PRUNE2: variants seen among roughly 807,000 people sequenced by gnomAD.
PRUNE2 encodes the protein prune homolog 2 with BCH domain.
In PRUNE2, 164 loss-of-function variants were observed where a neutral mutation model predicts 252.0. The observed-to-expected ratio is 0.65, with a 90% CI of 0.57 to 0.74. PRUNE2 has a LOEUF of 0.74. PRUNE2 is among the 30% of genes least tolerant of loss of function. The pLI, the probability that PRUNE2 is intolerant of heterozygous loss-of-function variation, is 0.00. For missense variants in PRUNE2, 3,495 were observed against 3,711.0 expected (o/e 0.94, Z 1.51); for synonymous variants, 1,292 against 1,350.2 (o/e 0.96, Z 0.94).
chr9:76,630,522 G>A (rs559768705), intron 15 of PRUNE2, among the ~76,000 whole-genome samples: 3 of 152,134 alleles, frequency 2.0e-5, no homozygotes, highest in Admixed American at 2.0e-4. Flanking sequence ...TCTGAAGAAT[G>A]CATTTTCTTT....
At chr9:76,696,843 T>C (rs2045436974) in intron 9 of PRUNE2, among the ~76,000 whole-genome samples, 1 of 152,230 alleles carries the variant, frequency 6.6e-6, no homozygotes. Flanking sequence ...GGTGGCCTTT[T>C]CTACCTGAAA....
chr9:76,624,240 C>T (rs1833702061), intron 17 of PRUNE2, among the ~76,000 whole-genome samples: 1 of 152,072 alleles, frequency 6.6e-6, no homozygotes. Context: ...ACAACAGTGA[C>T]AAATACATTC....
At chr9:76,634,457 T>C (rs1839124035) in intron 15 of PRUNE2, among the ~76,000 whole-genome samples, 1 of 147,070 alleles carries the variant, frequency 6.8e-6, no homozygotes. Flanking sequence ...AGTATATTTT[T>C]GCAAAGACTA....
chr9:76,739,486 T>A (rs1018367042), intron 6 of PRUNE2: 1 of 151,932 alleles, frequency 6.6e-6, no homozygotes, highest in African/African-American at 2.4e-5. Flanking sequence ...TATAAGTCTA[T>A]ATAATCGCTT....
chr9:76,785,660 T>C (rs1033480030), intron 6 of PRUNE2: 19 of 152,176 alleles, frequency 1.2e-4, no homozygotes, highest in African/African-American at 4.6e-4. Flanking sequence ...GGCACTCTTG[T>C]GAGCCACTTT....
At chr9:76,660,796 A>AG (rs1338421760) in intron 9 of PRUNE2, among the ~76,000 whole-genome samples, 1 of 148,844 alleles carries the variant, frequency 6.7e-6, no homozygotes, top group Admixed American at 6.8e-5. Flanking sequence ...AAAAAAAAAA[A>AG]AAAAAGAAAG....
chr9:76,831,581 T>C (rs2058679184), intron 4 of PRUNE2, among the ~76,000 whole-genome samples: 1 of 152,034 alleles, frequency 6.6e-6, no homozygotes, highest in African/African-American at 2.4e-5. Flanking sequence ...GGTTCTAAGA[T>C]TGTCAGGGAA....
At chr9:76,868,843 G>GC in intron 1 of PRUNE2, 1 of 132,240 alleles carries the variant, frequency 7.6e-6, no homozygotes, top group Admixed American at 7.6e-5. Context: ...GGGGTGGGGG[G>GC]GGGGGCGGGG....
In PRUNE2 at chr9:76,619,264, AGT is replaced by A. The variant is rs1044595682; in HGVS notation, c.9236+74_9236+75del. 56 of 940,172 alleles carry A rather than the reference AGT, an allele frequency of 6.0e-5. No individual in the cohort carries two copies. In the African/African-American group the frequency reaches 7.4e-4, roughly 12 times the overall value. The allele number at this position is 940,172 out of a possible 1,614,324, so 58.2% of individuals were successfully genotyped here. On this transcript the variant is annotated intron_variant, in intron 18 of 18. Coordinates refer to ENST00000376718, the MANE Select transcript of PRUNE2 (RefSeq NM_015225.3). ...TCTAAACAGGGTTTACCCAGTCCTC[AGT>A]GTGTTTTCTTTCAGAGCCCAGCCAT...
chr9:76,826,493 A>C, intron 5 of PRUNE2, 87 bp downstream of exon 5: 1 of 990,512 alleles, frequency 1.0e-6, no homozygotes, highest in East Asian at 2.6e-5. Context: ...AAAGAAACAA[A>C]TATACCTTCT....
chr9:76,634,257 G>A (rs1223401828), intron 15 of PRUNE2, among the ~76,000 whole-genome samples: 2 of 152,152 alleles, frequency 1.3e-5, no homozygotes, highest in Non-Finnish European at 2.9e-5. Context: ...TATTACTGTT[G>A]TTGTTATTAT....
At chr9:76,867,902 C>G (rs987686364) in intron 1 of PRUNE2, among the ~76,000 whole-genome samples, 16 of 152,046 alleles carry the variant, frequency 1.1e-4, no homozygotes, top group African/African-American at 3.9e-4. Context: ...TCTTGACAGC[C>G]TAATGTTATT....
intron 9 of PRUNE2, among the ~76,000 whole-genome samples, chr9:76,686,116 G>A (rs1162292931): frequency 1.3e-5 from 2 of 152,222 alleles, no homozygotes; most frequent in Admixed American, 1.3e-4. Flanking sequence ...GGGGAGAACT[G>A]ATTCATTTAA....
chr9:76,652,461 C>A, intron 11 of PRUNE2, 22 bp downstream of exon 11: 1 of 1,567,544 alleles, frequency 6.4e-7, no homozygotes, highest in East Asian at 2.3e-5. Context: ...TTAACTTTGG[C>A]CTTGCCAACT....
At chr9:76,851,921 A>G (rs2059982981) in intron 2 of PRUNE2, among the ~76,000 whole-genome samples, 1 of 152,158 alleles carries the variant, frequency 6.6e-6, no homozygotes, top group African/African-American at 2.4e-5. Context: ...CAATAATCCT[A>G]ACTATCAATG....
Position 76,706,142 on chromosome 9 carries a change from G to T in PRUNE2, c.6132C>A (p.Ser2044=). 6.2e-7 allele frequency: 1 copy of T among 1,613,974 alleles called. No individual in the cohort carries two copies. Among genetic ancestry groups the T allele is most frequent in the East Asian group, 2.2e-5 (1 of 44,870 alleles). Residue 2044 remains serine, a synonymous_variant, in exon 8 of 19, where the codon TCC becomes TCA. Transcript: ENST00000376718. ...AAATATCTGGCACAAAGGTACCTCG[G>T]GAGTCCTCACTTGGGGTAGAGCCAT... ...EWDGSTPSED[S]RGTFVPDILH...
chr9:76,875,216 C>CT (rs2061412375), intron 1 of PRUNE2, among the ~76,000 whole-genome samples: 1 of 151,986 alleles, frequency 6.6e-6, no homozygotes, highest in Admixed American at 6.6e-5. Flanking sequence ...TCAAATATCA[C>CT]TTTTTTCTGT....
intron 1 of PRUNE2, among the ~76,000 whole-genome samples, chr9:76,895,714 T>C (rs1288180179): frequency 6.6e-6 from 1 of 152,164 alleles, no homozygotes; most frequent in Non-Finnish European, 1.5e-5. Context: ...GTGCAGATAT[T>C]TGGGATTATT....
intron 1 of PRUNE2, among the ~76,000 whole-genome samples, chr9:76,878,419 A>G (rs1362876664): frequency 6.6e-6 from 1 of 152,156 alleles, no homozygotes; most frequent in Non-Finnish European, 1.5e-5. Flanking sequence ...GGTCGCTTCT[A>G]TCTGTGCAAT....
Sources: allele counts gnomAD v4.1 joint callset (sites outside exome capture counted in the v4.1 genomes callset), GRCh38; gene constraint gnomAD v4.1.1; transcripts MANE v1.5; gene names NCBI Gene and HGNC (gene_info 2026-07-23, HGNC 2026-07-21).